CEP128: variants seen among roughly 807,000 people sequenced by gnomAD.
The protein encoded by CEP128 is centrosomal protein 128.
Under a neutral mutation model 156.7 loss-of-function variants are expected in CEP128, and 132 were observed. That is an observed-to-expected ratio of 0.84 (90% CI 0.73 to 0.97). The LOEUF (loss-of-function observed/expected upper bound fraction) is 0.97, where lower values mean the gene tolerates loss of function less well. Ranked by LOEUF, CEP128 falls within the 50% of genes least tolerant of loss-of-function variation. CEP128 has a pLI of 0.00. For missense variants in CEP128, 1,252 were observed against 1,281.9 expected (o/e 0.98, Z 0.36); for synonymous variants, 469 against 448.9 (o/e 1.04, Z -0.57).
At chr14:80,540,977 C>T (rs1157491992) in intron 21 of CEP128, among the ~76,000 whole-genome samples, 2 of 152,140 alleles carry the variant, frequency 1.3e-5, no homozygotes, top group African/African-American at 2.4e-5. Context: ...TATATGTCCA[C>T]AAAATGTTTT....
At chr14:80,839,896 CTT>C (rs1886269138) in intron 10 of CEP128, among the ~76,000 whole-genome samples, 2 of 152,110 alleles carry the variant, frequency 1.3e-5, no homozygotes, top group Admixed American at 1.3e-4. Flanking sequence ...AGCAAAATGA[CTT>C]TGAACTCAAC....
At chr14:80,745,016 T>C (rs199839429) in intron 18 of CEP128, among the ~76,000 whole-genome samples, 3 of 152,158 alleles carry the variant, frequency 2.0e-5, no homozygotes, top group East Asian at 3.8e-4. Context: ...AAAATGAACA[T>C]CATGATTAAT....
chr14:80,648,981 A>G (rs552005667), intron 19 of CEP128, among the ~76,000 whole-genome samples: 13 of 152,260 alleles, frequency 8.5e-5, no homozygotes, highest in Admixed American at 3.3e-4. Context: ...GAATTAAAAG[A>G]ATTTGAGATC....
Position 80,678,040 on chromosome 14 carries a change from T to TA in CEP128, c.2806+65034dup, listed in dbSNP as rs754768782. Among the ~76,000 whole-genome samples, 63 of 32,536 alleles carry TA rather than the reference T, an allele frequency of 1.9e-3. 2 individuals are homozygous for TA. Among genetic ancestry groups the TA allele is most frequent in the African/African-American group, 4.5e-3 (44 of 9,838 alleles). The allele number at this position is 32,536 out of a possible 152,430, so 21.3% of individuals were successfully genotyped here. The stretch of plus-strand genomic sequence containing the variant: ...ACTTTCAACATGGACAGTTGCTCTA[T>TA]AAAAAAAAAATATATATATATATGT... On this transcript the variant is annotated intron_variant, in intron 19 of 24. Transcript: ENST00000555265.
intron 8 of CEP128, among the ~76,000 whole-genome samples, chr14:80,886,564 C>CA (rs1182267137): frequency 6.6e-6 from 1 of 152,172 alleles, no homozygotes; most frequent in Non-Finnish European, 1.5e-5. Context: ...AAATCCTTTA[C>CA]AAACAAGCAA....
intron 19 of CEP128, among the ~76,000 whole-genome samples, chr14:80,664,661 A>T (rs1595175317): frequency 6.6e-6 from 1 of 152,318 alleles, no homozygotes; most frequent in Non-Finnish European, 1.5e-5. Flanking sequence ...TAGAGAAAGG[A>T]TTCAATCAAA....
chr14:80,761,200 T>G (rs1156881592), intron 17 of CEP128, among the ~76,000 whole-genome samples: 2 of 150,550 alleles, frequency 1.3e-5, no homozygotes, highest in Non-Finnish European at 3.0e-5. Flanking sequence ...ATAAGATTTT[T>G]CTTTTTTTTT....
chr14:80,521,349 A>G (rs182991098), intron 23 of CEP128, among the ~76,000 whole-genome samples: 1 of 152,170 alleles, frequency 6.6e-6, no homozygotes, highest in East Asian at 1.9e-4. Flanking sequence ...GGAAGGGTAA[A>G]AGCATGTGGC....
chr14:80,597,510 C>A lies in CEP128; in HGVS notation c.2807-17087G>T, dbSNP rs144690014. On this transcript the variant is annotated intron_variant, in intron 19 of 24. Coordinates refer to ENST00000555265, the MANE Select transcript of CEP128 (RefSeq NM_152446.5). ...CCAAATGTTCAAAGAAGAATTGGTACCAGTTTATACAATTTCTTTCAGAAA... is the reference window on the plus strand; with the variant it reads ...CCAAATGTTCAAAGAAGAATTGGTAACAGTTTATACAATTTCTTTCAGAAA... 5.9e-3 allele frequency among the ~76,000 whole-genome samples: 902 copies of A among 151,934 alleles called. 9 individuals carry two copies. Among genetic ancestry groups the A allele is most frequent in the Non-Finnish European group, 9.1e-3 (618 of 67,924 alleles).
chr14:80,650,350 T>C (rs899933754), intron 19 of CEP128, among the ~76,000 whole-genome samples: 10 of 152,234 alleles, frequency 6.6e-5, no homozygotes, highest in South Asian at 2.1e-4. Context: ...TATACAATCA[T>C]GTCATCTGCA....
chr14:80,935,138 C>G (rs973878215), intron 2 of CEP128, among the ~76,000 whole-genome samples: 1 of 152,164 alleles, frequency 6.6e-6, no homozygotes, highest in Non-Finnish European at 1.5e-5. Flanking sequence ...AATCAGTACA[C>G]TTGTTACATG....
intron 18 of CEP128, among the ~76,000 whole-genome samples, chr14:80,745,884 G>A (rs1001818266): frequency 2.8e-4 from 43 of 151,654 alleles, no homozygotes; most frequent in African/African-American, 8.4e-4. Context: ...AAATCTATTA[G>A]AACAAAAGAG....
At chr14:80,759,121 A>T (rs1400520589) in intron 17 of CEP128, among the ~76,000 whole-genome samples, 2 of 152,216 alleles carry the variant, frequency 1.3e-5, no homozygotes, top group Non-Finnish European at 2.9e-5. Flanking sequence ...CTTAATTCAG[A>T]CACTTTCCTA....
chr14:80,904,034 C>T (rs1460077273), intron 6 of CEP128, among the ~76,000 whole-genome samples: 2 of 152,112 alleles, frequency 1.3e-5, no homozygotes, highest in Non-Finnish European at 2.9e-5. Context: ...GGGATATCTG[C>T]ACTCTCATGT....
At chr14:80,718,666 A>G (rs1328903945) in intron 19 of CEP128, among the ~76,000 whole-genome samples, 1 of 152,204 alleles carries the variant, frequency 6.6e-6, no homozygotes, top group Non-Finnish European at 1.5e-5. Flanking sequence ...TATCACAGGA[A>G]AACAAAAGGA....
At chr14:80,797,481 C>G (rs1883559359) in intron 13 of CEP128, among the ~76,000 whole-genome samples, 1 of 152,168 alleles carries the variant, frequency 6.6e-6, no homozygotes, top group Admixed American at 6.5e-5. Flanking sequence ...AGTCTGGAAA[C>G]TATCAGTAGC....
intron 19 of CEP128, among the ~76,000 whole-genome samples, chr14:80,598,938 G>C (rs1281747656): frequency 6.6e-6 from 1 of 152,158 alleles, no homozygotes; most frequent in Non-Finnish European, 1.5e-5. Context: ...TCTTCATGTT[G>C]ATGGAAATGT....
At chr14:80,798,593 T>C (rs1883636489) in intron 13 of CEP128, among the ~76,000 whole-genome samples, 2 of 152,206 alleles carry the variant, frequency 1.3e-5, no homozygotes. Flanking sequence ...ATAAACTATA[T>C]TTTTTGTAGT....
intron 9 of CEP128, among the ~76,000 whole-genome samples, chr14:80,858,750 A>G (rs1887347124): frequency 1.3e-5 from 2 of 151,692 alleles, no homozygotes; most frequent in Non-Finnish European, 2.9e-5. Flanking sequence ...ATGAACAGAC[A>G]CTTTTCAAAA....
Sources: gnomAD v4.1 joint callset for allele counts (sites outside exome capture counted in the v4.1 genomes callset) on GRCh38, gnomAD v4.1.1 for gene constraint, MANE v1.5 for transcripts, NCBI Gene and HGNC (gene_info 2026-07-23, HGNC 2026-07-21) for gene names.